The following ZMAT4 variants were observed in gnomAD, a reference collection of about 807,000 sequenced individuals.
ZMAT4 encodes the protein zinc finger matrin-type protein 4.
In ZMAT4, 17 loss-of-function variants were observed where a neutral mutation model predicts 28.7. The ratio of observed to expected loss-of-function variants is 0.59; its 90% CI spans 0.41 to 0.89. ZMAT4 has a LOEUF of 0.89. Ranked by LOEUF, ZMAT4 falls within the 40% of genes least tolerant of loss-of-function variation. ZMAT4 has a pLI of 0.00. For synonymous variants in ZMAT4, 117 were observed against 109.2 expected (o/e 1.07, Z -0.44); for missense variants, 240 against 283.8 (o/e 0.85, Z 1.11).
chr8:40,580,234 T>G (rs890145719), intron 6 of ZMAT4, among the ~76,000 whole-genome samples: 8 of 151,880 alleles, frequency 5.3e-5, no homozygotes, highest in Non-Finnish European at 1.0e-4. Context: ...GGATGGTCTC[T>G]ATCTGCTGAC....
At chr8:40,608,663 C>T (rs1375075362) in intron 5 of ZMAT4, among the ~76,000 whole-genome samples, 1 of 152,174 alleles carries the variant, frequency 6.6e-6, no homozygotes, top group East Asian at 1.9e-4. Context: ...TCCCTGATGT[C>T]CTTCCTCAGC....
chr8:40,744,122 G>A (rs1812125196), intron 3 of ZMAT4, among the ~76,000 whole-genome samples: 1 of 152,162 alleles, frequency 6.6e-6, no homozygotes, highest in African/African-American at 2.4e-5. Flanking sequence ...GCCTGTGAAG[G>A]GCCTCTTTAT....
chr8:40,575,315 C>A (rs781522116), intron 6 of ZMAT4, among the ~76,000 whole-genome samples: 1 of 152,148 alleles, frequency 6.6e-6, no homozygotes, highest in Non-Finnish European at 1.5e-5. Context: ...GTGGACCCAC[C>A]CCAAGAAGAT....
chr8:40,861,592 T>C (rs1212485746), intron 1 of ZMAT4, among the ~76,000 whole-genome samples: 1 of 152,118 alleles, frequency 6.6e-6, no homozygotes, highest in African/African-American at 2.4e-5. Flanking sequence ...ATTAAAGAGC[T>C]TCTGCACAGC....
chr8:40,616,818 A>G (rs1393118735), intron 5 of ZMAT4, among the ~76,000 whole-genome samples: 1 of 151,694 alleles, frequency 6.6e-6, no homozygotes, highest in Non-Finnish European at 1.5e-5. Context: ...GCACACCAAC[A>G]TGGCACATGT....
At chr8:40,776,141 C>T (rs1813584376) in intron 2 of ZMAT4, among the ~76,000 whole-genome samples, 1 of 152,254 alleles carries the variant, frequency 6.6e-6, no homozygotes, top group South Asian at 2.1e-4. Context: ...CATCCATCTA[C>T]ACTAGATGTT....
chr8:40,601,716 A>T (rs1401529247), intron 5 of ZMAT4, among the ~76,000 whole-genome samples: 1 of 64,984 alleles, frequency 1.5e-5, no homozygotes, highest in Non-Finnish European at 4.8e-5. Context: ...AAAGAAAGAA[A>T]GAAAGAAAGA....
At chr8:40,676,796 T>G (rs1324992700) in intron 4 of ZMAT4, among the ~76,000 whole-genome samples, 1 of 152,170 alleles carries the variant, frequency 6.6e-6, no homozygotes, top group Non-Finnish European at 1.5e-5. Flanking sequence ...AAAGACTCAT[T>G]GTGGGATTTG....
intron 1 of ZMAT4, among the ~76,000 whole-genome samples, chr8:40,881,824 AG>A (rs1381649112): frequency 6.6e-6 from 1 of 152,126 alleles, no homozygotes; most frequent in African/African-American, 2.4e-5. Context: ...TCGGCCCAAC[AG>A]TTCCCAAGAC....
At chr8:40,600,105 C>T (rs1563358944) in intron 5 of ZMAT4, among the ~76,000 whole-genome samples, 1 of 152,238 alleles carries the variant, frequency 6.6e-6, no homozygotes, top group Non-Finnish European at 1.5e-5. Flanking sequence ...GAGCGCTGCT[C>T]CCTGTGCTGC....
At chr8:40,842,648 C>A (rs957257929) in intron 1 of ZMAT4, among the ~76,000 whole-genome samples, 1 of 152,304 alleles carries the variant, frequency 6.6e-6, no homozygotes, top group Non-Finnish European at 1.5e-5. Flanking sequence ...AGTCCATGAA[C>A]AACTAGGCAC....
chr8:40,756,426 T>TTATATATATATATATATA (rs72008675), intron 3 of ZMAT4, among the ~76,000 whole-genome samples: 3,312 of 72,234 alleles, frequency 0.046, 233 homozygotes, highest in Non-Finnish European at 0.051. Flanking sequence ...AAATGTTCTT[T>TTATATATATATATATATA]TATATATATA....
At chr8:40,595,579 G>C (rs1421906524) in intron 5 of ZMAT4, among the ~76,000 whole-genome samples, 1 of 152,148 alleles carries the variant, frequency 6.6e-6, no homozygotes, top group Non-Finnish European at 1.5e-5. Flanking sequence ...TGCTACTGTA[G>C]TGAATTCTGT....
intron 5 of ZMAT4, among the ~76,000 whole-genome samples, chr8:40,609,449 C>G (rs1055922722): frequency 6.6e-6 from 1 of 152,118 alleles, no homozygotes; most frequent in African/African-American, 2.4e-5. Context: ...CACTCCACCA[C>G]TTCACCTTGA....
chr8:40,848,680 G>GA (rs369682866), intron 1 of ZMAT4, among the ~76,000 whole-genome samples: 1 of 151,904 alleles, frequency 6.6e-6, no homozygotes, highest in African/African-American at 2.4e-5. Context: ...GTTACAAGGA[G>GA]AAAAAAATAT....
intron 3 of ZMAT4, among the ~76,000 whole-genome samples, chr8:40,718,072 C>A (rs1288155388): frequency 6.6e-6 from 1 of 152,216 alleles, no homozygotes; most frequent in Non-Finnish European, 1.5e-5. Flanking sequence ...ATCCAGGATA[C>A]CACACTGCAT....
At chr8:40,776,922 T>A (rs571656788) in intron 2 of ZMAT4, among the ~76,000 whole-genome samples, 1 of 115,148 alleles carries the variant, frequency 8.7e-6, no homozygotes. Flanking sequence ...CACCGATTTC[T>A]TTCTTTTTTT....
chr8:40,694,851 C>G (rs539728200), intron 4 of ZMAT4, among the ~76,000 whole-genome samples: 54 of 152,260 alleles, frequency 3.5e-4, no homozygotes, highest in Non-Finnish European at 6.6e-4. Context: ...TCTAACTTCC[C>G]CTCACTCCCC....
intron 2 of ZMAT4, among the ~76,000 whole-genome samples, chr8:40,787,275 C>T (rs775749060): frequency 2.6e-5 from 4 of 152,126 alleles, no homozygotes; most frequent in East Asian, 1.9e-4. Flanking sequence ...TTCCCAGACC[C>T]GCAGTGGGTG....
Sources: allele counts gnomAD v4.1 joint callset (sites outside exome capture counted in the v4.1 genomes callset), GRCh38; gene constraint gnomAD v4.1.1; transcripts MANE v1.5; gene names NCBI Gene and HGNC (gene_info 2026-07-23, HGNC 2026-07-21).